The following FGF6 variants were observed in gnomAD, a reference collection of about 807,000 sequenced individuals.
The protein encoded by FGF6 is FGF-6.
FGF6 carries 14 observed loss-of-function variants against 18.4 expected under a neutral mutation model. The observed-to-expected ratio is 0.76, with a 90% CI of 0.50 to 1.19. FGF6 has a LOEUF of 1.19. Ranked by LOEUF, FGF6 falls within the 50% of genes most tolerant of loss-of-function variation. The probability of loss-of-function intolerance (pLI) is 0.00; values close to 1 mark genes in which losing one functional copy is unlikely to be tolerated. For synonymous variants in FGF6, 125 were observed against 116.7 expected, an observed-to-expected ratio of 1.07 and a Z score of -0.46; for missense variants, 266 against 271.6, an observed-to-expected ratio of 0.98 and a Z score of 0.15.
rs906156688 is a variant in FGF6 at position 4,438,830 on chromosome 12, C to T, written c.451-4439G>A. ...GATCCACATGATGGAATTCTATAAG[C>T]CTTGAAAAGATAAGAAGCCTCTCTG... On this transcript the variant is annotated intron_variant, in intron 2 of 2. Transcript: ENST00000228837. 2.7e-5 allele frequency among the ~76,000 whole-genome samples: 4 copies of T among 146,814 alleles called. No homozygotes were observed. The East Asian group carries it at 8.1e-4, about 30-fold the overall frequency.
intron 2 of FGF6, among the ~76,000 whole-genome samples, chr12:4,439,288 C>T (rs937567271): frequency 1.3e-5 from 2 of 152,216 alleles, no homozygotes; most frequent in African/African-American, 4.8e-5. Context: ...AGCCTCCCCC[C>T]TGTTCTAACT....
chr12:4,443,936 G>GC (rs1396811641), intron 2 of FGF6, among the ~76,000 whole-genome samples, 197 bp downstream of exon 2: 2 of 152,188 alleles, frequency 1.3e-5, no homozygotes, highest in African/African-American at 4.8e-5. Context: ...AGAAGCACGG[G>GC]CCAGGGCAGA....
chr12:4,443,228 T>A (rs1865713189), intron 2 of FGF6, among the ~76,000 whole-genome samples: 1 of 152,232 alleles, frequency 6.6e-6, no homozygotes, highest in African/African-American at 2.4e-5. Flanking sequence ...TGGATCTATT[T>A]CTTCACATCC....
intron 2 of FGF6, among the ~76,000 whole-genome samples, chr12:4,436,549 C>T (rs941447359): frequency 6.6e-6 from 1 of 151,894 alleles, no homozygotes; most frequent in Non-Finnish European, 1.5e-5. Flanking sequence ...CGCTTGAGGT[C>T]GAGGCTGCAG....
chr12:4,444,379 A>G (rs1865731963), intron 1 of FGF6, 143 bp from the exon 2 acceptor site: 6 of 610,330 alleles, frequency 9.8e-6, no homozygotes, highest in Admixed American at 2.8e-5. Context: ...CTCTAACTCT[A>G]GGAGACCCTG....
chr12:4,434,304 A>G lies in FGF6; in HGVS notation c.538T>C (p.Tyr180His), dbSNP rs538985259. The stretch of plus-strand genomic sequence containing the variant: ...CGTCCGTATTTGCTCAGGGCAATGT[A>G]GGTCCCTTGGTACAAGTCTGACTCG... ...AYESDLYQGT[Y>H]IALSKYGRVK... The change falls in exon 3 of 3, where the codon TAC becomes CAC. Residue 180 changes from tyrosine (Y) to histidine (H), a missense_variant. Tyr to His is a moderately conservative substitution (Grantham distance 83). Coordinates refer to ENST00000228837, the MANE Select transcript of FGF6 (RefSeq NM_020996.3). 1.4e-5 allele frequency: 22 copies of G among 1,614,058 alleles called. No homozygotes were observed. Among genetic ancestry groups the G allele is most frequent in the Non-Finnish European group, 1.7e-5 (20 of 1,180,032 alleles).
In FGF6 at chr12:4,445,085, C is replaced by T; in HGVS notation, c.346+140G>A. 1 of 739,568 alleles carries T rather than the reference C, an allele frequency of 1.4e-6. No individual in the cohort carries two copies. The highest frequency in any genetic ancestry group is 2.2e-6 in the Non-Finnish European group (1 of 459,558). 45.8% of individuals were successfully genotyped at this position (739,568 alleles called of 1,614,324 possible). ...TTGAGCTTGCACCCAGGCAGGGTCA[C>T]GTGGAATCATCTAAGTGGTGAGCAG... On this transcript the variant is annotated intron_variant, in intron 1 of 2. Transcript: ENST00000228837. This position sits in a 1 kb window ranked among gnomAD's most constrained non-coding sequence, Gnocchi z 5.5.
intron 2 of FGF6, among the ~76,000 whole-genome samples, chr12:4,436,034 A>C (rs1320538774): frequency 6.6e-6 from 1 of 152,024 alleles, no homozygotes; most frequent in African/African-American, 2.4e-5. Context: ...ATAAAAAAAA[A>C]CCCGCTCGAT....
At position 4,445,072 on chromosome 12, in the gene FGF6, C is replaced by A. The variant is rs191287801; in HGVS notation, c.346+153G>T. On this transcript the variant is annotated intron_variant, in intron 1 of 2. Coordinates refer to ENST00000228837, the MANE Select transcript of FGF6 (RefSeq NM_020996.3). This position sits in a 1 kb window ranked among gnomAD's most constrained non-coding sequence, Gnocchi z 5.5. ...GGACCGCAGTATATTGAGCTTGCAC[C>A]CAGGCAGGGTCACGTGGAATCATCT... Among the ~76,000 whole-genome samples, 112 of 152,260 alleles carry A rather than the reference C, an allele frequency of 7.4e-4. 1 individual carries two copies. The highest frequency in any genetic ancestry group is 2.5e-3 in the African/African-American group (105 of 41,554).
At chr12:4,443,143 C>T (rs1411440244) in intron 2 of FGF6, among the ~76,000 whole-genome samples, 2 of 152,126 alleles carry the variant, frequency 1.3e-5, no homozygotes, top group African/African-American at 2.4e-5. Flanking sequence ...GGGTGGAGGC[C>T]ACCTGGTGAA....
chr12:4,445,788 A>T lies in FGF6; in HGVS notation c.-218T>A, dbSNP rs1415351345. On this transcript the variant is annotated 5_prime_UTR_variant, in exon 1 of 3. Transcript: ENST00000228837. This position sits in a 1 kb window ranked among gnomAD's most constrained non-coding sequence, Gnocchi z 5.5. ...AGACCATGGCTCGGGGACGCTCTCT[A>T]GCTCGCCCGCTTGCTCCGTCCCTAG... is the stretch of plus-strand genomic sequence containing the variant. Among the ~76,000 whole-genome samples the T allele has an allele frequency of 6.6e-6, 1 of 152,090 alleles. No homozygotes were observed. Among genetic ancestry groups the T allele is most frequent in the African/African-American group, 2.4e-5 (1 of 41,406 alleles).
chr12:4,439,908 A>C (rs1276443861), intron 2 of FGF6, among the ~76,000 whole-genome samples: 1 of 152,204 alleles, frequency 6.6e-6, no homozygotes, highest in Non-Finnish European at 1.5e-5. Context: ...TGTGGCATGA[A>C]GGAGAGATAG....
chr12:4,437,328 G>T (rs1865638803), intron 2 of FGF6, among the ~76,000 whole-genome samples: 1 of 152,186 alleles, frequency 6.6e-6, no homozygotes, highest in African/African-American at 2.4e-5. Flanking sequence ...CTTGCTGGGG[G>T]TTACTGGACA....
chr12:4,442,602 C>T (rs1185832634), intron 2 of FGF6, among the ~76,000 whole-genome samples: 1 of 152,210 alleles, frequency 6.6e-6, no homozygotes, highest in Admixed American at 6.5e-5. Flanking sequence ...AGCCTAAATT[C>T]CCGGCTCTCC....
At chr12:4,435,326 T>C (rs1229436519) in intron 2 of FGF6, among the ~76,000 whole-genome samples, 2 of 152,160 alleles carry the variant, frequency 1.3e-5, no homozygotes, top group African/African-American at 4.8e-5. Flanking sequence ...CATTAGATTC[T>C]CATAGGAGCA....
intron 2 of FGF6, among the ~76,000 whole-genome samples, chr12:4,441,724 T>A (rs1223739801): frequency 6.6e-6 from 1 of 151,776 alleles, no homozygotes; most frequent in Non-Finnish European, 1.5e-5. Context: ...TCCCATGAAC[T>A]GGCAGTAGCA....
intron 2 of FGF6, among the ~76,000 whole-genome samples, chr12:4,436,687 A>C (rs558788461): frequency 6.6e-6 from 1 of 152,294 alleles, no homozygotes; most frequent in African/African-American, 2.4e-5. Context: ...TGGCTCTTTC[A>C]ATGTGATGTG....
intron 2 of FGF6, among the ~76,000 whole-genome samples, chr12:4,438,013 A>G (rs1338031914): frequency 6.6e-6 from 1 of 152,230 alleles, no homozygotes; most frequent in African/African-American, 2.4e-5. Flanking sequence ...AACTGGATGA[A>G]AATACATACA....
Position 4,445,132 on chromosome 12 carries a change from G to GC in FGF6, c.346+92dup, listed in dbSNP as rs1170212727. 3.7e-6 allele frequency: 4 copies of GC among 1,073,930 alleles called. No individual in the cohort carries two copies. Among genetic ancestry groups the GC allele is most frequent in the Non-Finnish European group, 4.0e-6 (3 of 747,130 alleles). The allele number at this position is 1,073,930 out of a possible 1,614,324, so 66.5% of individuals were successfully genotyped here. ...GCAGCATTTCTGCCCCCTTTATCGTGCATCCTGTCCGCTAGAGCAGGGCCC... is the reference window on the plus strand; with the variant it reads ...GCAGCATTTCTGCCCCCTTTATCGTGCCATCCTGTCCGCTAGAGCAGGGCCC... On this transcript the variant is annotated intron_variant, in intron 1 of 2. Coordinates refer to ENST00000228837, the MANE Select transcript of FGF6 (RefSeq NM_020996.3). This position sits in a 1 kb window ranked among gnomAD's most constrained non-coding sequence, Gnocchi z 5.5.
Sources: gnomAD v4.1 joint callset for allele counts (sites outside exome capture counted in the v4.1 genomes callset) on GRCh38, gnomAD v4.1.1 for gene constraint, Gnocchi (gnomAD v3.1) non-coding constraint, MANE v1.5 for transcripts, NCBI Gene and HGNC (gene_info 2026-07-23, HGNC 2026-07-21) for gene names.